CXCR4: variants seen among roughly 807,000 people sequenced by gnomAD.
The protein encoded by CXCR4 is C-X-C motif chemokine receptor 4.
CXCR4 carries 6 observed loss-of-function variants against 22.4 expected under a neutral mutation model. The ratio of observed to expected loss-of-function variants is 0.27; its 90% confidence interval spans 0.15 to 0.53. CXCR4 has a LOEUF of 0.53. CXCR4 is among the 20% of genes least tolerant of loss of function. The pLI, the probability that CXCR4 is intolerant of heterozygous loss-of-function variation, is 0.96. For synonymous variants in CXCR4, 155 were observed against 171.7 expected (o/e 0.90, Z 0.76); for missense variants, 300 against 430.4 (o/e 0.70, Z 2.68).
chr2:136,116,612 C>T (rs1005373439), intron 1 of CXCR4, among the ~76,000 whole-genome samples: 2 of 152,146 alleles, frequency 1.3e-5, no homozygotes, highest in Non-Finnish European at 2.9e-5. Flanking sequence ...GCGGGCGCTC[C>T]TCCGGTGTGT....
chr2:136,117,471 A>G (rs571194406), intron 1 of CXCR4: 1 of 152,676 alleles, frequency 6.5e-6, no homozygotes, highest in African/African-American at 2.4e-5. Context: ...CCCTCTGCCT[A>G]CTGTGCTGGG....
chr2:136,115,207 T>G lies in CXCR4; in HGVS notation c.721A>C (p.Thr241Pro). Reference protein sequence around the residue: ...GHQKRKALKTTVILILAFFAC... With the variant: ...GHQKRKALKTPVILILAFFAC... Reference sequence around the variant, plus strand: ...AAGAAAGCCAGGATGAGGATGACTGTGGTCTTGAGGGCCTTGCGCTTCTGG... The same window carrying G: ...AAGAAAGCCAGGATGAGGATGACTGGGGTCTTGAGGGCCTTGCGCTTCTGG... Residue 241 changes from threonine (T) to proline (P), a missense_variant, in exon 2 of 2, where the codon ACA becomes CCA. Around this residue, in one of 3 missense-constraint regions of CXCR4, gnomAD observed 137 missense variants for 153.2 expected, o/e 0.89. Transcript: ENST00000241393. The surrounding 1 kb of genome is among the most constrained non-coding windows in gnomAD (Gnocchi z 6.4). 1 of 1,614,172 alleles carries G rather than the reference T, an allele frequency of 6.2e-7. No individual in the cohort carries two copies.
chr2:136,117,797 CACATGCAGCCACTGGAA>C, intron 1 of CXCR4: 1 of 509,068 alleles, frequency 2.0e-6, no homozygotes, highest in East Asian at 3.5e-5. Context: ...AAGGGGGAGA[CACATGCAGCCACTGGAA>C]CGCTCTTTCC....
rs1003641017 is a variant in CXCR4 at position 136,117,180 on chromosome 2, C to T, written c.15+866G>A. ...AGCCCAGGTGCGGTCTTAACCGCCCCCGCCCCTCACCCCGTACCCGCTCCT... is the reference window on the plus strand; with the variant it reads ...AGCCCAGGTGCGGTCTTAACCGCCCTCGCCCCTCACCCCGTACCCGCTCCT... On this transcript the variant is annotated intron_variant, in intron 1 of 1. Coordinates refer to ENST00000241393, the MANE Select transcript of CXCR4 (RefSeq NM_003467.3). 3.3e-5 allele frequency among the ~76,000 whole-genome samples: 5 copies of T among 152,186 alleles called. No individual in the cohort carries two copies. The South Asian group carries it at 1.0e-3, about 31-fold the overall frequency.
chr2:136,117,989 CGCT>C, intron 1 of CXCR4, 54 bp downstream of exon 1: 1 of 1,573,016 alleles, frequency 6.4e-7, no homozygotes, highest in Non-Finnish European at 8.7e-7. Context: ...AGAGGGGCTG[CGCT>C]CTAAGTTCAA....
rs910783795 is a variant in CXCR4 at position 136,114,801 on chromosome 2, A to G, written c.*68T>C. On this transcript the variant is annotated 3_prime_UTR_variant, in exon 2 of 2. Transcript: ENST00000241393. The stretch of plus-strand genomic sequence containing the variant: ...ACTGTACAATATTGGTCAGTCTTTT[A>G]TATCTGAAAAATGTGTAACTTAAAA... 7.1e-7 allele frequency: 1 copy of G among 1,399,640 alleles called. No individual in the cohort carries two copies. The highest frequency in any genetic ancestry group is 1.4e-5 in the African/African-American group (1 of 69,578). The allele number at this position is 1,399,640 out of a possible 1,614,324, so 86.7% of individuals were successfully genotyped here.
At position 136,114,703 on chromosome 2, in the gene CXCR4, T is replaced by A. The variant is rs1203499709; in HGVS notation, c.*166A>T. ...ACACATCAATATGAAACAAAAAAAA[T>A]TTATATAAATAAGTCAATTAAACTT... On this transcript the variant is annotated 3_prime_UTR_variant, in exon 2 of 2. Transcript: ENST00000241393. 1.4e-5 allele frequency: 9 copies of A among 624,302 alleles called. No individual in the cohort carries two copies. Among genetic ancestry groups the A allele is most frequent in the East Asian group, 6.1e-5 (2 of 32,716 alleles). 38.7% of individuals were successfully genotyped at this position (624,302 alleles called of 1,614,324 possible).
Position 136,115,766 on chromosome 2 carries a change from C to T in CXCR4, c.162G>A (p.Val54=), listed in dbSNP as rs1684869342. 1 of 1,614,044 alleles carries T rather than the reference C, an allele frequency of 6.2e-7. No homozygotes were observed. The highest frequency in any genetic ancestry group is 1.7e-5 in the Admixed American group (1 of 60,002). ...TGACCAGGATGACCAATCCATTGCCCACAATGCCAGTTAAGAAGATGATGG... is the reference window on the plus strand; with the variant it reads ...TGACCAGGATGACCAATCCATTGCCTACAATGCCAGTTAAGAAGATGATGG... ...IYSIIFLTGI[V]GNGLVILVMG... is the part of the protein sequence containing the mutation. Residue 54 remains valine, a synonymous_variant, in exon 2 of 2, where the codon GTG becomes GTA. Coordinates refer to ENST00000241393, the MANE Select transcript of CXCR4 (RefSeq NM_003467.3). The surrounding 1 kb of genome is among the most constrained non-coding windows in gnomAD (Gnocchi z 6.4).
Position 136,115,086 on chromosome 2 carries a change from T to C in CXCR4, c.842A>G (p.His281Arg). 6.2e-7 allele frequency: 1 copy of C among 1,614,214 alleles called. No individual in the cohort carries two copies. Among genetic ancestry groups the C allele is most frequent in the Non-Finnish European group, 8.5e-7 (1 of 1,180,038 alleles). ...KQGCEFENTV[H>R]KWISITEALA... ...GGCCTCGGTGATGGAAATCCACTTG[T>C]GCACAGTGTTCTCAAACTCACACCC... Residue 281 changes from histidine to arginine, a missense_variant, in exon 2 of 2, where the codon CAC becomes CGC. Physicochemically the swap from His to Arg is conservative, Grantham distance 29 (BLOSUM62 0). Transcript: ENST00000241393. This position sits in a 1 kb window ranked among gnomAD's most constrained non-coding sequence, Gnocchi z 6.4.
chr2:136,118,138 A>T lies in CXCR4; in HGVS notation c.-78T>A. 6.7e-7 allele frequency: 1 copy of T among 1,489,286 alleles called. No individual in the cohort carries two copies. Among genetic ancestry groups the T allele is most frequent in the Non-Finnish European group, 9.3e-7 (1 of 1,072,258 alleles). The allele number at this position is 1,489,286 out of a possible 1,614,324, so 92.3% of individuals were successfully genotyped here. On this transcript the variant is annotated 5_prime_UTR_variant, in exon 1 of 2. Coordinates refer to ENST00000241393, the MANE Select transcript of CXCR4 (RefSeq NM_003467.3). Reference sequence around the variant, plus strand: ...GCGTCACTTTGCTACCTGCTGCCGCAGCCAACAAACTGAAGTTTCTGGCCG... The same window carrying T: ...GCGTCACTTTGCTACCTGCTGCCGCTGCCAACAAACTGAAGTTTCTGGCCG...
intron 1 of CXCR4, chr2:136,116,140 A>G: frequency 1.4e-6 from 2 of 1,442,326 alleles, no homozygotes; most frequent in Non-Finnish European, 1.8e-6. Flanking sequence ...AGAACCAATT[A>G]CAAAATTCTT....
In CXCR4 at chr2:136,115,634, G is replaced by A. The variant is rs142289207; in HGVS notation, c.294C>T (p.Ala98=). 702 of 1,614,040 alleles carry A rather than the reference G, an allele frequency of 4.3e-4. No homozygotes were observed. Among genetic ancestry groups the A allele is most frequent in the Non-Finnish European group, 5.7e-4 (673 of 1,180,038 alleles). The stretch of plus-strand genomic sequence containing the variant: ...AGTTCCCAAAGTACCAGTTTGCCAC[G>A]GCATCAACTGCCCAGAAGGGAAGCG... ...VITLPFWAVD[A]VANWYFGNFL... is the part of the protein sequence containing the mutation. The change falls in exon 2 of 2, where the codon GCC becomes GCT. Residue 98 remains alanine (A), a synonymous_variant. Coordinates refer to ENST00000241393, the MANE Select transcript of CXCR4 (RefSeq NM_003467.3). This position sits in a 1 kb window ranked among gnomAD's most constrained non-coding sequence, Gnocchi z 6.4.
intron 1 of CXCR4, chr2:136,117,567 G>C (rs541717360): frequency 2.5e-5 from 4 of 161,266 alleles, no homozygotes; most frequent in East Asian, 1.9e-4. Context: ...TAACCCCGAA[G>C]TTAAAGCGGG....
chr2:136,117,277 C>T (rs1684924670), intron 1 of CXCR4, among the ~76,000 whole-genome samples: 1 of 152,262 alleles, frequency 6.6e-6, no homozygotes. Context: ...CTCCGCTGAC[C>T]TCTGCACGAC....
At position 136,116,224 on chromosome 2, in the gene CXCR4, A is replaced by G. The variant is rs542054261; in HGVS notation, c.16-312T>C. The G allele has an allele frequency of 4.4e-5, 55 of 1,263,038 alleles. No homozygotes were observed. The African/African-American group carries it at 8.4e-4, about 19-fold the overall frequency. The allele number at this position is 1,263,038 out of a possible 1,614,324, so 78.2% of individuals were successfully genotyped here. A position where few individuals can be genotyped will look rare whatever the true frequency, so the allele number is the denominator to read the frequency against. Reference sequence around the variant, plus strand: ...CTTGGCTAACTCCTCTGCCCCGCCCACTAGAGGGAAGAAAAAAAACCTTCC... The same window carrying G: ...CTTGGCTAACTCCTCTGCCCCGCCCGCTAGAGGGAAGAAAAAAAACCTTCC... On this transcript the variant is annotated intron_variant, in intron 1 of 1. Coordinates refer to ENST00000241393, the MANE Select transcript of CXCR4 (RefSeq NM_003467.3).
At chr2:136,116,074 C>A in intron 1 of CXCR4, 162 bp from the exon 2 acceptor site, 1 of 1,526,842 alleles carries the variant, frequency 6.5e-7, no homozygotes, top group Non-Finnish European at 8.8e-7. Flanking sequence ...ATGTAGAATC[C>A]TACAACTCTC....
intron 1 of CXCR4, 161 bp downstream of exon 1, chr2:136,117,885 C>CCCCCCCAATAA: frequency 5.3e-6 from 1 of 190,398 alleles, no homozygotes; most frequent in Non-Finnish European, 1.1e-5. Flanking sequence ...CCCACCCACC[C>CCCCCCCAATAA]GCACTATATA....
intron 1 of CXCR4, chr2:136,117,750 G>C (rs17848384): frequency 4.8e-6 from 2 of 413,406 alleles, no homozygotes; most frequent in Admixed American, 4.4e-5. Flanking sequence ...TCTTACGTTT[G>C]CAAACAGCGT....
chr2:136,115,333 A>C lies in CXCR4; in HGVS notation c.595T>G (p.Phe199Val). 7 of 1,614,190 alleles carry C rather than the reference A, an allele frequency of 4.3e-6. No individual in the cohort carries two copies. Among genetic ancestry groups the C allele is most frequent in the Non-Finnish European group, 5.9e-6 (7 of 1,180,030 alleles). The change falls in exon 2 of 2, where the codon TTC (phenylalanine) becomes GTC (valine). Residue 199 changes from phenylalanine to valine, a missense_variant. Coordinates refer to ENST00000241393, the MANE Select transcript of CXCR4 (RefSeq NM_003467.3). The surrounding 1 kb of genome is among the most constrained non-coding windows in gnomAD (Gnocchi z 6.4). ...FYPNDLWVVVFQFQHIMVGLI... is the reference protein window; with the variant it reads ...FYPNDLWVVVVQFQHIMVGLI... Reference sequence around the variant, plus strand: ...CCAACCATGATGTGCTGAAACTGGAACACAACCACCCACAAGTCATTGGGG... The same window carrying C: ...CCAACCATGATGTGCTGAAACTGGACCACAACCACCCACAAGTCATTGGGG...
Sources: gnomAD v4.1 joint callset for allele counts (sites outside exome capture counted in the v4.1 genomes callset) on GRCh38, gnomAD v4.1.1 for gene constraint, gnomAD v4.1.1 regional missense constraint, Gnocchi (gnomAD v3.1) non-coding constraint, MANE v1.5 for transcripts, NCBI Gene and HGNC (gene_info 2026-07-23, HGNC 2026-07-21) for gene names.